Variants in G3BP2 observed in about 807,000 individuals in gnomAD.
The protein encoded by G3BP2 is G3BP stress granule assembly factor 2.
G3BP2 carries 11 observed loss-of-function variants against 56.7 expected under a neutral mutation model. The ratio of observed to expected loss-of-function variants is 0.19; its 90% CI spans 0.12 to 0.32. G3BP2 has a LOEUF of 0.32. Ranked by LOEUF, G3BP2 falls within the 10% of genes least tolerant of loss-of-function variation. The pLI, the probability that G3BP2 is intolerant of heterozygous loss-of-function variation, is 1.00. For synonymous variants in G3BP2, 165 were observed against 191.6 expected, an observed-to-expected ratio of 0.86 and a Z score of 1.15; for missense variants, 340 against 610.9, an observed-to-expected ratio of 0.56 and a Z score of 4.67.
At chr4:75,657,149 T>C (rs901141435) in intron 4 of G3BP2, 135 bp from the exon 5 acceptor site, 2 of 549,084 alleles carry the variant, frequency 3.6e-6, no homozygotes, top group African/African-American at 2.0e-5. Context: ...ATGCTGAACA[T>C]GCTATGATGT....
At chr4:75,717,181 G>A (rs1719960344) in intron 3 of G3BP2, among the ~76,000 whole-genome samples, 2 of 152,122 alleles carry the variant, frequency 1.3e-5, no homozygotes, top group Non-Finnish European at 2.9e-5. Context: ...GGTGACTCAT[G>A]CCTGTAATCT....
chr4:75,695,479 A>C (rs1259061178), intron 3 of G3BP2, among the ~76,000 whole-genome samples: 2 of 152,204 alleles, frequency 1.3e-5, no homozygotes, highest in Non-Finnish European at 2.9e-5. Flanking sequence ...CCCAGAAATT[A>C]GCCAAAAATG....
At chr4:75,653,928 T>C in intron 8 of G3BP2, 55 bp downstream of exon 8, 1 of 791,748 alleles carries the variant, frequency 1.3e-6, no homozygotes, top group Non-Finnish European at 2.2e-6. Context: ...ATTTTAAAAA[T>C]AAGCAATTGG....
chr4:75,674,334 C>T (rs1030842506), upstream of G3BP2, among the ~76,000 whole-genome samples: 3 of 152,220 alleles, frequency 2.0e-5, no homozygotes, highest in South Asian at 2.1e-4. Context: ...ACATGGTGGA[C>T]GCAAGCATGT....
upstream of G3BP2, among the ~76,000 whole-genome samples, chr4:75,674,769 C>T (rs1445365981): frequency 7.5e-6 from 1 of 133,846 alleles, no homozygotes; most frequent in Non-Finnish European, 1.6e-5. Flanking sequence ...GTCGCCCAGG[C>T]TGGAGTGCAA....
rs1560620794 is a variant in G3BP2 at position 75,661,914 on chromosome 4, ATTTG to A, written c.95+13_95+16del. The A allele has an allele frequency of 7.7e-7, 1 of 1,292,184 alleles. No homozygotes were observed. Among genetic ancestry groups the A allele is most frequent in the Non-Finnish European group, 1.1e-6 (1 of 889,440 alleles). The allele number at this position is 1,292,184 out of a possible 1,614,324, so 80.0% of individuals were successfully genotyped here. A position where few individuals can be genotyped will look rare whatever the true frequency, so the allele number is the denominator to read the frequency against. On this transcript the variant is annotated intron_variant, in intron 2 of 11. Transcript: ENST00000359707. ...AAAAAGTAGATAAAAATACCAAATT[ATTTG>A]TTTAAAATTTACCTGTGTAAATATT...
intron 3 of G3BP2, among the ~76,000 whole-genome samples, chr4:75,714,361 C>G (rs1222671985): frequency 6.6e-6 from 1 of 152,076 alleles, no homozygotes; most frequent in Non-Finnish European, 1.5e-5. Flanking sequence ...GCACAGTGGC[C>G]CACGCCTGTA....
chr4:75,707,566 C>T (rs1336990177), intron 3 of G3BP2, among the ~76,000 whole-genome samples: 1 of 147,858 alleles, frequency 6.8e-6, no homozygotes, highest in Non-Finnish European at 1.5e-5. Context: ...GCCGAGACTG[C>T]GCCACTGCAC....
intron 1 of G3BP2, among the ~76,000 whole-genome samples, chr4:75,671,523 C>A (rs1315027322): frequency 6.6e-6 from 1 of 152,106 alleles, no homozygotes; most frequent in Non-Finnish European, 1.5e-5. Context: ...TTCTTCTTTA[C>A]CTTCTAATTT....
intron 5 of G3BP2, among the ~76,000 whole-genome samples, chr4:75,656,156 A>G (rs903771474): frequency 5.9e-5 from 9 of 151,580 alleles, no homozygotes; most frequent in African/African-American, 1.9e-4. Context: ...ATGCCCAGCT[A>G]ATTTTTTTTT....
At chr4:75,693,074 T>C (rs924506860) in intron 3 of G3BP2, among the ~76,000 whole-genome samples, 6 of 151,826 alleles carry the variant, frequency 4.0e-5, no homozygotes, top group African/African-American at 1.5e-4. Flanking sequence ...TGAAACCCTG[T>C]CTCTACTAAA....
intron 3 of G3BP2, among the ~76,000 whole-genome samples, chr4:75,708,230 C>A (rs1419470951): frequency 1.3e-5 from 2 of 152,140 alleles, no homozygotes; most frequent in South Asian, 2.1e-4. Context: ...CCTTCTTCCC[C>A]ACTAGACTTG....
intron 8 of G3BP2, among the ~76,000 whole-genome samples, chr4:75,649,348 T>C (rs1277630418): frequency 6.6e-6 from 1 of 152,176 alleles, no homozygotes; most frequent in East Asian, 1.9e-4. Context: ...GTATGTAGCA[T>C]CTCAAATAGT....
chr4:75,671,399 G>A (rs1166309176), intron 1 of G3BP2, among the ~76,000 whole-genome samples: 9 of 152,200 alleles, frequency 5.9e-5, no homozygotes, highest in Non-Finnish European at 1.3e-4. Context: ...AGAATCTAAA[G>A]ACACAGTGCC....
At chr4:75,661,421 C>T (rs1403018624) in intron 2 of G3BP2, 3 of 151,858 alleles carry the variant, frequency 2.0e-5, no homozygotes, top group East Asian at 1.9e-4. Flanking sequence ...GAGAGAGCCA[C>T]TGTGTCCAGC....
At chr4:75,701,190 T>TC (rs762760994) in intron 3 of G3BP2, among the ~76,000 whole-genome samples, 7 of 151,918 alleles carry the variant, frequency 4.6e-5, no homozygotes, top group Non-Finnish European at 8.8e-5. Flanking sequence ...ATTTTTCTTA[T>TC]CCCCCCCAAT....
chr4:75,694,610 G>A (rs1719025223), intron 3 of G3BP2, among the ~76,000 whole-genome samples: 1 of 152,008 alleles, frequency 6.6e-6, no homozygotes, highest in Admixed American at 6.6e-5. Context: ...TCTCAAAAAA[G>A]GAGTCCTGAG....
chr4:75,669,742 A>G (rs1733337251), intron 1 of G3BP2, among the ~76,000 whole-genome samples: 1 of 152,240 alleles, frequency 6.6e-6, no homozygotes, highest in Non-Finnish European at 1.5e-5. Context: ...GGGTTATACA[A>G]AATAAATTCA....
intron 1 of G3BP2, among the ~76,000 whole-genome samples, chr4:75,663,409 A>G (rs1479258426): frequency 2.0e-5 from 3 of 152,108 alleles, no homozygotes; most frequent in Non-Finnish European, 4.4e-5. Context: ...CTGGGACTAT[A>G]AGCATGCACC....
Sources: gnomAD v4.1 joint callset for allele counts (sites outside exome capture counted in the v4.1 genomes callset) on GRCh38, gnomAD v4.1.1 for gene constraint, MANE v1.5 for transcripts, NCBI Gene and HGNC (gene_info 2026-07-23, HGNC 2026-07-21) for gene names.